PTAFR: variants seen among roughly 807,000 people sequenced by gnomAD.
PTAFR encodes platelet-activating factor receptor.
Under a neutral mutation model 14.7 loss-of-function variants are expected in PTAFR, and 8 were observed. That is an observed-to-expected ratio of 0.54 (90% CI 0.32 to 0.98). The LOEUF is 0.98. Ranked by LOEUF, PTAFR falls within the 50% of genes least tolerant of loss-of-function variation. The pLI is 0.04. For missense variants in PTAFR, 337 were observed against 451.2 expected, an observed-to-expected ratio of 0.75 and a Z score of 2.29; for synonymous variants, 156 against 176.5, an observed-to-expected ratio of 0.88 and a Z score of 0.92.
rs115000405 is a variant in PTAFR at position 28,169,694 on chromosome 1, T to C, written c.-39+6898A>G. ...AGAGTGGTGTGAAGAGTCAATGAAA[T>C]AATGTGTATAAAGTCCTTATCAGGG... On this transcript the variant is annotated intron_variant, in intron 1 of 1. Coordinates refer to ENST00000373857, the MANE Select transcript of PTAFR (RefSeq NM_000952.5). Among the ~76,000 whole-genome samples, 864 of 152,084 alleles carry C rather than the reference T, an allele frequency of 5.7e-3. 5 individuals are homozygous for C. The highest frequency in any genetic ancestry group is 7.9e-3 in the Non-Finnish European group (534 of 67,974).
chr1:28,173,301 G>T (rs1186108007), intron 1 of PTAFR, among the ~76,000 whole-genome samples: 7 of 101,484 alleles, frequency 6.9e-5, no homozygotes, highest in East Asian at 3.8e-4. Context: ...AAAAAAAAGG[G>T]GGGGGGGTGT....
chr1:28,188,104 C>A (rs1397046411), intron 1 of PTAFR, among the ~76,000 whole-genome samples: 1 of 143,336 alleles, frequency 7.0e-6, no homozygotes, highest in African/African-American at 2.6e-5. Flanking sequence ...TTGAGCCCAG[C>A]AGTTCAAAAC....
chr1:28,166,465 A>C (rs1047491459), intron 1 of PTAFR, among the ~76,000 whole-genome samples: 1 of 152,300 alleles, frequency 6.6e-6, no homozygotes, highest in South Asian at 2.1e-4. Flanking sequence ...TGAGGTCAGG[A>C]GTTGAAGACC....
chr1:28,193,564 C>T (rs1170357246), intron 1 of PTAFR, among the ~76,000 whole-genome samples: 1 of 151,968 alleles, frequency 6.6e-6, no homozygotes, highest in Non-Finnish European at 1.5e-5. Context: ...GCAACAAAGA[C>T]GGGCCATGTG....
At chr1:28,158,249 G>T (rs1280077845) in intron 1 of PTAFR, among the ~76,000 whole-genome samples, 1 of 152,194 alleles carries the variant, frequency 6.6e-6, no homozygotes, top group Non-Finnish European at 1.5e-5. Flanking sequence ...TGCTGAAGGA[G>T]TTAATTTGAT....
At chr1:28,173,298 A>AG (rs71586830) in intron 1 of PTAFR, among the ~76,000 whole-genome samples, 2,339 of 31,614 alleles carry the variant, frequency 0.074, 90 homozygotes, top group Middle Eastern at 0.22. Flanking sequence ...TTAAAAAAAA[A>AG]GGGGGGGGGG....
At chr1:28,162,716 C>A (rs903365808) in intron 1 of PTAFR, among the ~76,000 whole-genome samples, 1 of 150,972 alleles carries the variant, frequency 6.6e-6, no homozygotes, top group Non-Finnish European at 1.5e-5. Flanking sequence ...ATCCCAGCTA[C>A]TCTGGAGGCT....
intron 1 of PTAFR, among the ~76,000 whole-genome samples, chr1:28,173,762 C>T (rs946672912): frequency 4.6e-5 from 7 of 152,016 alleles, no homozygotes; most frequent in African/African-American, 1.7e-4. Flanking sequence ...TGAAGATCTC[C>T]CACCTACAGA....
At position 28,176,643 on chromosome 1, in the gene PTAFR, G is replaced by A. The variant is rs1469663145; in HGVS notation, c.-90C>T. On this transcript the variant is annotated 5_prime_UTR_variant, in exon 1 of 2. Transcript: ENST00000373857. Reference sequence around the variant, plus strand: ...GCAGTGACCGTGTGTCTCTGTCTGGGTCCTGGCCCCAGCCTCAGCCTCTAT... The same window carrying A: ...GCAGTGACCGTGTGTCTCTGTCTGGATCCTGGCCCCAGCCTCAGCCTCTAT... The A allele has an allele frequency of 1.3e-5, 2 of 152,524 alleles. No individual in the cohort carries two copies. Among genetic ancestry groups the A allele is most frequent in the African/African-American group, 4.8e-5 (2 of 41,342 alleles). 9.4% of individuals were successfully genotyped at this position (152,524 alleles called of 1,614,324 possible). A position where few individuals can be genotyped will look rare whatever the true frequency, so the allele number is the denominator to read the frequency against.
chr1:28,168,618 G>C (rs907931732), intron 1 of PTAFR, among the ~76,000 whole-genome samples: 1 of 152,164 alleles, frequency 6.6e-6, no homozygotes, highest in African/African-American at 2.4e-5. Context: ...GGGGAAAATA[G>C]AGAGATGTTC....
At chr1:28,183,140 G>T (rs1049849518) in intron 1 of PTAFR, among the ~76,000 whole-genome samples, 2 of 152,166 alleles carry the variant, frequency 1.3e-5, no homozygotes, top group Non-Finnish European at 2.9e-5. Flanking sequence ...GGATAATTGT[G>T]TCTTGGGATA....
At chr1:28,152,808 GT>G (rs1401756472) in intron 1 of PTAFR, among the ~76,000 whole-genome samples, 1 of 152,046 alleles carries the variant, frequency 6.6e-6, no homozygotes, top group Non-Finnish European at 1.5e-5. Flanking sequence ...TGCAGAAAAT[GT>G]TTGTTATGAC....
intron 1 of PTAFR, among the ~76,000 whole-genome samples, chr1:28,163,566 C>A (rs886761104): frequency 6.6e-6 from 1 of 152,204 alleles, no homozygotes; most frequent in African/African-American, 2.4e-5. Flanking sequence ...CATTTACTTG[C>A]TGTATGACCT....
At chr1:28,171,106 T>A (rs989435394) in intron 1 of PTAFR, among the ~76,000 whole-genome samples, 1 of 152,160 alleles carries the variant, frequency 6.6e-6, no homozygotes, top group African/African-American at 2.4e-5. Context: ...GCAGATCACC[T>A]GAGGTCAGGA....
rs1458522550 is a variant in PTAFR, at chr1:28,147,736, G to A, written c.*2257C>T. 1 of 152,180 alleles carries A rather than the reference G, an allele frequency of 6.6e-6. No individual in the cohort carries two copies. The highest frequency in any genetic ancestry group is 1.5e-5 in the Non-Finnish European group (1 of 68,070). The allele number at this position is 152,180 out of a possible 1,614,324, so 9.4% of individuals were successfully genotyped here. A position where few individuals can be genotyped will look rare whatever the true frequency, so the allele number is the denominator to read the frequency against. ...TCAAGGGGCCCAAATTCGCAGAAAA[G>A]GGGAGGGTCTAAGATGAGCAGTCAC... is the stretch of plus-strand genomic sequence containing the variant. On this transcript the variant is annotated 3_prime_UTR_variant, in exon 2 of 2. Transcript: ENST00000373857.
At chr1:28,167,633 A>AGTTTTTTTTTTTT (rs1646400259) in intron 1 of PTAFR, among the ~76,000 whole-genome samples, 1 of 80,234 alleles carries the variant, frequency 1.2e-5, no homozygotes, top group Admixed American at 1.4e-4. Context: ...TGAAAACGGG[A>AGTTTTTTTTTTTT]TTTTTTTTTT....
At chr1:28,152,457 G>T (rs1187365468) in intron 1 of PTAFR, among the ~76,000 whole-genome samples, 3 of 152,100 alleles carry the variant, frequency 2.0e-5, no homozygotes, top group Non-Finnish European at 4.4e-5. Context: ...CAAAAAATCA[G>T]CTGGGTGTGG....
chr1:28,150,483 C>T lies in PTAFR; in HGVS notation c.539G>A (p.Gly180Asp), dbSNP rs1177751014. 1.9e-6 allele frequency: 3 copies of T among 1,614,224 alleles called. No homozygotes were observed. In the South Asian group the frequency reaches 3.3e-5, roughly 18 times the overall value. ...VTRCFEHYEK[G>D]SVPVLIIHIF... is the part of the protein sequence containing the mutation. ...GTGGATGATGAGGACTGGCACGCTG[C>T]CCTTCTCGTAATGCTCAAAGCAGCG... The change falls in exon 2 of 2, where the codon GGC becomes GAC. Residue 180 changes from glycine (G) to aspartate (D), a missense_variant. By Grantham distance (94) the Gly-to-Asp change is moderately conservative. Transcript: ENST00000373857. The surrounding 1 kb of genome is among the most constrained non-coding windows in gnomAD (Gnocchi z 6.3).
rs779838498 is a variant in PTAFR, at chr1:28,150,371, C to T, written c.651G>A (p.Pro217=). The change falls in exon 2 of 2, where the codon CCG becomes CCA. Residue 217 remains proline, a synonymous_variant. Coordinates refer to ENST00000373857, the MANE Select transcript of PTAFR (RefSeq NM_000952.5). This position sits in a 1 kb window ranked among gnomAD's most constrained non-coding sequence, Gnocchi z 6.3. Reference sequence around the variant, plus strand: ...CTTCAGCGTTGCGCTGCTGCTGCACCGGCTGCATGAGCAAGGTACGGATGA... The same window carrying T: ...CTTCAGCGTTGCGCTGCTGCTGCACTGGCTGCATGAGCAAGGTACGGATGA... ...LVIIRTLLMQ[P]VQQQRNAEVK... 22 of 1,613,790 alleles carry T rather than the reference C, an allele frequency of 1.4e-5. No individual in the cohort carries two copies. In the Admixed American group the frequency reaches 2.2e-4, roughly 16 times the overall value.
Sources: allele counts gnomAD v4.1 joint callset (sites outside exome capture counted in the v4.1 genomes callset), GRCh38; gene constraint gnomAD v4.1.1; non-coding constraint Gnocchi (gnomAD v3.1); transcripts MANE v1.5; gene names NCBI Gene and HGNC (gene_info 2026-07-23, HGNC 2026-07-21).